The following PWWP3B variants were observed in gnomAD, a reference collection of about 807,000 sequenced individuals.
PWWP3B encodes the protein PWWP domain-containing DNA repair factor 3B.
Under a neutral mutation model 15.7 loss-of-function variants are expected in PWWP3B, and 5 were observed. The observed-to-expected ratio is 0.32, with a 90% confidence interval of 0.17 to 0.67. The LOEUF is 0.67. Among genes scored for constraint, PWWP3B ranks in the 30% least tolerant of loss-of-function variants. The pLI, the probability that PWWP3B is intolerant of heterozygous loss-of-function variation, is 0.74. For missense variants in PWWP3B, 519 were observed against 493.1 expected, an observed-to-expected ratio of 1.05 and a Z score of -0.50; for synonymous variants, 203 against 179.8, an observed-to-expected ratio of 1.13 and a Z score of -1.03.
intron 2 of PWWP3B, among the ~76,000 whole-genome samples, chrX:106,202,494 CCT>C (rs1273305367): frequency 5.4e-5 from 6 of 111,636 alleles, no homozygotes; most frequent in East Asian, 2.8e-4. Context: ...CCATATCCCC[CCT>C]GTCTTCTGCC....
chrX:106,191,252 G>A (rs1430631081), intron 2 of PWWP3B, among the ~76,000 whole-genome samples: 1 of 110,581 alleles, frequency 9.0e-6, no homozygotes, highest in East Asian at 2.8e-4. Flanking sequence ...CCTTGAAGAG[G>A]TCCTTCACAT....
intron 2 of PWWP3B, among the ~76,000 whole-genome samples, chrX:106,171,598 C>G (rs1332933121): frequency 6.3e-5 from 7 of 111,487 alleles, no homozygotes; most frequent in African/African-American, 2.0e-4. Context: ...CTGAGAAATG[C>G]TTCAATAGGC....
chrX:106,182,345 C>G (rs1922256457), intron 2 of PWWP3B, among the ~76,000 whole-genome samples: 2 of 111,314 alleles, frequency 1.8e-5, no homozygotes, highest in South Asian at 7.6e-4. Context: ...TACTGACGGA[C>G]TTGAGCTTTG....
At chrX:106,195,657 C>G (rs1004516489) in intron 2 of PWWP3B, among the ~76,000 whole-genome samples, 1 of 111,809 alleles carries the variant, frequency 8.9e-6, no homozygotes, top group Non-Finnish European at 1.9e-5. Context: ...TTCTATTGAT[C>G]TATAGGTCAA....
chrX:106,206,540 G>A lies in PWWP3B; in HGVS notation c.1108G>A (p.Asp370Asn). The part of the protein sequence containing the change: ...LPSRINLSLL[D>N]DDEEDEELPR... ...AAGTCGCATTAATCTTTCTCTATTA[G>A]ATGATGATGAGGAAGACGAAGAACT... The change falls in exon 4 of 4, where the codon GAT becomes AAT. Residue 370 changes from aspartate (D) to asparagine (N), a missense_variant. Asp to Asn is a conservative substitution (Grantham distance 23, BLOSUM62 1). Coordinates refer to ENST00000357175, the MANE Select transcript of PWWP3B (RefSeq NM_001171020.2). The A allele has an allele frequency of 8.3e-7, 1 of 1,208,279 alleles. No homozygotes were observed. Among genetic ancestry groups the A allele is most frequent in the Non-Finnish European group, 1.1e-6 (1 of 893,924 alleles).
At chrX:106,193,184 G>A (rs1344534141) in intron 2 of PWWP3B, among the ~76,000 whole-genome samples, 1 of 111,085 alleles carries the variant, frequency 9.0e-6, no homozygotes, top group Admixed American at 9.5e-5. Context: ...AAGTCTCTTC[G>A]TAGGTCACTA....
chrX:106,191,968 T>A (rs1923002343), intron 2 of PWWP3B, among the ~76,000 whole-genome samples: 1 of 111,891 alleles, frequency 8.9e-6, no homozygotes, highest in Non-Finnish European at 1.9e-5. Context: ...GATTTTTGCA[T>A]CAATGTTCAT....
intron 2 of PWWP3B, among the ~76,000 whole-genome samples, chrX:106,182,733 A>G (rs1393483337): frequency 1.8e-5 from 2 of 108,737 alleles, no homozygotes; most frequent in Admixed American, 9.9e-5. Flanking sequence ...GCACTGCTGC[A>G]GGGGGGTCTG....
chrX:106,169,453 C>T (rs188559094), intron 1 of PWWP3B, among the ~76,000 whole-genome samples: 17 of 111,441 alleles, frequency 1.5e-4, no homozygotes, highest in Middle Eastern at 4.7e-3. Context: ...CTTTTGGAAA[C>T]GATAATGGAG....
chrX:106,192,662 T>C (rs1461882398), intron 2 of PWWP3B, among the ~76,000 whole-genome samples: 2 of 111,725 alleles, frequency 1.8e-5, no homozygotes, highest in Non-Finnish European at 3.8e-5. Flanking sequence ...CTTTCCTGCT[T>C]TCTCTTGTGG....
chrX:106,193,793 T>C (rs1324596641), intron 2 of PWWP3B, among the ~76,000 whole-genome samples: 1 of 111,877 alleles, frequency 8.9e-6, no homozygotes, highest in African/African-American at 3.3e-5. Flanking sequence ...TCTACTTCAC[T>C]TGTGAAGCTT....
In PWWP3B at chrX:106,168,369, A is replaced by T. The variant is rs1293482574; in HGVS notation, c.-585A>T. ...GGCTTCCGTGGAGAAGCTTGGAGGTAATGGCTGTCGTAAATGCTAGTTATT... is the reference window on the plus strand; with the variant it reads ...GGCTTCCGTGGAGAAGCTTGGAGGTTATGGCTGTCGTAAATGCTAGTTATT... On this transcript the variant is annotated 5_prime_UTR_variant, in exon 1 of 4. Transcript: ENST00000357175. The T allele has an allele frequency of 1.8e-5, 2 of 111,775 alleles. No individual in the cohort carries two copies. Among genetic ancestry groups the T allele is most frequent in the East Asian group, 5.6e-4 (2 of 3,554 alleles). 9.2% of individuals were successfully genotyped at this position (111,775 alleles called of 1,213,427 possible).
chrX:106,170,289 A>G (rs1261237672), intron 1 of PWWP3B, among the ~76,000 whole-genome samples: 3 of 112,347 alleles, frequency 2.7e-5, no homozygotes, highest in Admixed American at 1.9e-4. Flanking sequence ...CTAGAAATAT[A>G]CAGAGCAAAC....
intron 2 of PWWP3B, among the ~76,000 whole-genome samples, chrX:106,180,422 G>T (rs751174623): frequency 1.8e-5 from 2 of 111,502 alleles, no homozygotes; most frequent in South Asian, 7.5e-4. Context: ...TTCATCTTTT[G>T]TCTTCTCCAT....
chrX:106,207,559 C>T lies in PWWP3B; in HGVS notation c.*36C>T. The T allele has an allele frequency of 1.8e-6, 2 of 1,095,285 alleles. No individual in the cohort carries two copies. Among genetic ancestry groups the T allele is most frequent in the African/African-American group, 1.9e-5 (1 of 53,564 alleles). The allele number at this position is 1,095,285 out of a possible 1,213,427, so 90.3% of individuals were successfully genotyped here. ...AGTTGAAACCATGACAGGGAGCTCTCATAGATACTAGTTGAAAAAAGTCTC... is the reference window on the plus strand; with the variant it reads ...AGTTGAAACCATGACAGGGAGCTCTTATAGATACTAGTTGAAAAAAGTCTC... On this transcript the variant is annotated 3_prime_UTR_variant, in exon 4 of 4. Coordinates refer to ENST00000357175, the MANE Select transcript of PWWP3B (RefSeq NM_001171020.2).
intron 2 of PWWP3B, among the ~76,000 whole-genome samples, chrX:106,191,898 A>G (rs1049767252): frequency 8.9e-6 from 1 of 111,754 alleles, no homozygotes; most frequent in Non-Finnish European, 1.9e-5. Flanking sequence ...AGCCCACTCT[A>G]TCATGGTGGA....
rs1194683158 is a variant in PWWP3B, at chrX:106,199,080, G to A, written c.-400-4905G>A. Among the ~76,000 whole-genome samples, 3 of 99,597 alleles carry A rather than the reference G, an allele frequency of 3.0e-5. No individual in the cohort carries two copies. In the East Asian group the frequency reaches 9.5e-4, roughly 31 times the overall value. The allele number at this position is 99,597 out of a possible 115,157, so 86.5% of individuals were successfully genotyped here. ...TTTTTTTTTTTTGAGACAGAGTCTC[G>A]CTTTGTCGCCCAGGCTGGAGTGCAG... On this transcript the variant is annotated intron_variant, in intron 2 of 3. Transcript: ENST00000357175.
At chrX:106,181,266 G>A (rs1470553153) in intron 2 of PWWP3B, among the ~76,000 whole-genome samples, 1 of 111,678 alleles carries the variant, frequency 9.0e-6, no homozygotes, top group Non-Finnish European at 1.9e-5. Flanking sequence ...CAGCGTGGAA[G>A]GGGACCCGAG....
At position 106,195,562 on chromosome X, in the gene PWWP3B, G is replaced by A. The variant is rs143619820; in HGVS notation, c.-400-8423G>A. ...TTGGTGTGTGATGTCCAGTTGTTCC[G>A]TACCATTTGTTGAAAAGACCGCCAT... is the stretch of plus-strand genomic sequence containing the variant. On this transcript the variant is annotated intron_variant, in intron 2 of 3. Coordinates refer to ENST00000357175, the MANE Select transcript of PWWP3B (RefSeq NM_001171020.2). 2.1e-3 allele frequency among the ~76,000 whole-genome samples: 229 copies of A among 111,354 alleles called. 3 individuals are homozygous for A. In the East Asian group the frequency reaches 0.024, roughly 11 times the overall value.
Sources: gnomAD v4.1 joint callset for allele counts (sites outside exome capture counted in the v4.1 genomes callset) on GRCh38, gnomAD v4.1.1 for gene constraint, MANE v1.5 for transcripts, NCBI Gene and HGNC (gene_info 2026-07-23, HGNC 2026-07-21) for gene names.